Variants in DYSF observed in about 807,000 individuals in gnomAD.
The protein encoded by DYSF is dystrophy-associated fer-1-like 1.
DYSF carries 212 observed loss-of-function variants against 274.9 expected under a neutral mutation model. The ratio of observed to expected loss-of-function variants is 0.77; its 90% CI spans 0.69 to 0.86. The LOEUF (loss-of-function observed/expected upper bound fraction) is 0.86. DYSF is among the 40% of genes least tolerant of loss of function. DYSF has a pLI of 0.00. For synonymous variants in DYSF, 1,091 were observed against 1,078.7 expected, an observed-to-expected ratio of 1.01 and a Z score of -0.22; for missense variants, 2,666 against 2,783.2, an observed-to-expected ratio of 0.96 and a Z score of 0.95.
chr2:71,554,653 C>G (rs1436865996), intron 21 of DYSF, among the ~76,000 whole-genome samples: 1 of 152,034 alleles, frequency 6.6e-6, no homozygotes, highest in African/African-American at 2.4e-5. Flanking sequence ...CCTTGGTGGC[C>G]GACTGGATTT....
intron 21 of DYSF, among the ~76,000 whole-genome samples, chr2:71,554,456 C>G (rs560122435): frequency 6.6e-6 from 1 of 152,096 alleles, no homozygotes; most frequent in East Asian, 1.9e-4. Context: ...ATGTGGGGCT[C>G]CGAGCAGGGC....
chr2:71,647,821 C>A (rs2094590683), intron 42 of DYSF, among the ~76,000 whole-genome samples: 1 of 152,182 alleles, frequency 6.6e-6, no homozygotes, highest in Non-Finnish European at 1.5e-5. Flanking sequence ...TGAAAATTTT[C>A]ATAATAGTTT....
At chr2:71,561,474 T>G (rs2091750798) in intron 22 of DYSF, among the ~76,000 whole-genome samples, 1 of 150,312 alleles carries the variant, frequency 6.7e-6, no homozygotes, top group South Asian at 2.1e-4. Context: ...TGGACTGGAG[T>G]TGAGGACAGA....
At chr2:71,579,427 C>T (rs1250663363) in intron 30 of DYSF, among the ~76,000 whole-genome samples, 1 of 152,110 alleles carries the variant, frequency 6.6e-6, no homozygotes, top group Non-Finnish European at 1.5e-5. Context: ...GCCTGATCTG[C>T]CTTGGGAGCT....
At chr2:71,542,035 G>A (rs998208298) in intron 17 of DYSF, among the ~76,000 whole-genome samples, 15 of 152,212 alleles carry the variant, frequency 9.9e-5, no homozygotes, top group Non-Finnish European at 1.6e-4. Context: ...AAGGCAGAGT[G>A]GGGGAGTGGG....
intron 54 of DYSF, among the ~76,000 whole-genome samples, chr2:71,681,596 G>T (rs1463195551): frequency 6.6e-6 from 1 of 152,184 alleles, no homozygotes; most frequent in Non-Finnish European, 1.5e-5. Flanking sequence ...ACTTTCAAAT[G>T]GTTTTTCAGC....
chr2:71,518,437 T>C (rs2086887171), intron 10 of DYSF, among the ~76,000 whole-genome samples: 1 of 150,634 alleles, frequency 6.6e-6, no homozygotes, highest in Non-Finnish European at 1.5e-5. Flanking sequence ...TTTTTTTTTT[T>C]GGTATTTTTA....
intron 16 of DYSF, among the ~76,000 whole-genome samples, chr2:71,537,961 G>A (rs946471393): frequency 4.6e-5 from 7 of 152,330 alleles, no homozygotes; most frequent in South Asian, 2.1e-4. Flanking sequence ...ATTTGGGGCT[G>A]GAATATTCTT....
chr2:71,589,865 C>T lies in DYSF; in HGVS notation c.3496+179C>T, dbSNP rs113910192. Reference sequence around the variant, plus strand: ...TGTGTGCGCGCGTGCGTGCACGTGTCCGTGCCTATCTGTGTGGTGTGTCCA... The same window carrying T: ...TGTGTGCGCGCGTGCGTGCACGTGTTCGTGCCTATCTGTGTGGTGTGTCCA... On this transcript the variant is annotated intron_variant, in intron 31 of 55. Transcript: ENST00000410020. 2.0e-5 allele frequency among the ~76,000 whole-genome samples: 3 copies of T among 152,048 alleles called. No individual in the cohort carries two copies. In the South Asian group the frequency reaches 6.2e-4, roughly 32 times the overall value.
chr2:71,473,759 A>G (rs2082200012), intron 1 of DYSF, among the ~76,000 whole-genome samples: 1 of 152,044 alleles, frequency 6.6e-6, no homozygotes, highest in African/African-American at 2.4e-5. Flanking sequence ...CATCTTAGCC[A>G]TTTTTAAGTA....
intron 3 of DYSF, among the ~76,000 whole-genome samples, chr2:71,487,636 G>A (rs1336855481): frequency 6.6e-6 from 1 of 152,218 alleles, no homozygotes; most frequent in Admixed American, 6.5e-5. Flanking sequence ...AGCCTCCCGA[G>A]TAGCTGGGAT....
At chr2:71,560,147 T>C (rs892630353) in intron 22 of DYSF, among the ~76,000 whole-genome samples, 17 of 152,158 alleles carry the variant, frequency 1.1e-4, no homozygotes, top group Non-Finnish European at 2.5e-4. Flanking sequence ...CCGTACCCCC[T>C]GCCTTGGGCT....
intron 26 of DYSF, 140 bp downstream of exon 26, chr2:71,568,478 C>G (rs1024816086): frequency 1.7e-6 from 2 of 1,143,700 alleles, no homozygotes; most frequent in Middle Eastern, 3.0e-4. Flanking sequence ...CCGCTGAACT[C>G]TCCCAGGACT....
chr2:71,643,755 A>G (rs1183638856), intron 41 of DYSF, among the ~76,000 whole-genome samples: 1 of 152,180 alleles, frequency 6.6e-6, no homozygotes, highest in Non-Finnish European at 1.5e-5. Flanking sequence ...TCCGCCTCTC[A>G]ACACCAACCA....
In DYSF at chr2:71,526,375, G is replaced by T. The variant is rs372355865; in HGVS notation, c.1276+29G>T. The T allele has an allele frequency of 9.3e-5, 141 of 1,516,322 alleles. No homozygotes were observed. The African/African-American group carries it at 1.7e-3, about 19-fold the overall frequency. The allele number at this position is 1,516,322 out of a possible 1,614,324, so 93.9% of individuals were successfully genotyped here. ...CGTGGGGCGCGCCCTTGGGTGGGAG[G>T]TCTGCAGGAGGCTGGAGGCGCAGGG... On this transcript the variant is annotated intron_variant, in intron 13 of 55. Transcript: ENST00000410020.
At chr2:71,606,874 C>T (rs1237454694) in intron 36 of DYSF, among the ~76,000 whole-genome samples, 2 of 152,128 alleles carry the variant, frequency 1.3e-5, no homozygotes, top group Non-Finnish European at 2.9e-5. Flanking sequence ...AGAGCAGGCA[C>T]GGGTGCTAGG....
At chr2:71,461,997 A>C (rs927478262), upstream of DYSF, among the ~76,000 whole-genome samples, 1 of 152,062 alleles carries the variant, frequency 6.6e-6, no homozygotes, top group Non-Finnish European at 1.5e-5. Context: ...AGACTATACA[A>C]CTCTGTCACA....
chr2:71,539,325 G>A (rs2089698891), intron 17 of DYSF, 86 bp downstream of exon 17: 2 of 1,260,206 alleles, frequency 1.6e-6, no homozygotes, highest in South Asian at 1.2e-5. Context: ...AGTTTTGAGA[G>A]TTTGCAGAAA....
intron 3 of DYSF, among the ~76,000 whole-genome samples, chr2:71,490,217 A>G (rs534662902): frequency 1.3e-5 from 2 of 152,250 alleles, no homozygotes; most frequent in Non-Finnish European, 2.9e-5. Flanking sequence ...TAATTTTTAT[A>G]AGTATAAAAG....
Sources: gnomAD v4.1 joint callset for allele counts (sites outside exome capture counted in the v4.1 genomes callset) on GRCh38, gnomAD v4.1.1 for gene constraint, MANE v1.5 for transcripts, NCBI Gene and HGNC (gene_info 2026-07-23, HGNC 2026-07-21) for gene names.